MATR3: variants seen among roughly 807,000 people sequenced by gnomAD.
MATR3 encodes the protein matrin-3.
MATR3 carries 4 observed loss-of-function variants against 85.5 expected under a neutral mutation model. The observed-to-expected ratio is 0.05, with a 90% CI of 0.02 to 0.11. The LOEUF (loss-of-function observed/expected upper bound fraction) is 0.11. MATR3 is among the 10% of genes least tolerant of loss of function. The probability of loss-of-function intolerance (pLI) is 1.00; values close to 1 mark genes in which losing one functional copy is unlikely to be tolerated. For synonymous variants in MATR3, 336 were observed against 343.1 expected (o/e 0.98, Z 0.23); for missense variants, 685 against 1,016.1 (o/e 0.67, Z 4.43).
chr5:139,325,140 C>T (rs1200812774), intron 12 of MATR3, among the ~76,000 whole-genome samples: 2 of 151,960 alleles, frequency 1.3e-5, no homozygotes, highest in Admixed American at 1.3e-4. Context: ...TTGCAGTGAG[C>T]CGAGATCGCG....
At chr5:139,321,603 C>G (rs1302366540) in intron 9 of MATR3, among the ~76,000 whole-genome samples, 1 of 151,998 alleles carries the variant, frequency 6.6e-6, no homozygotes, top group African/African-American at 2.4e-5. Flanking sequence ...GGCAACATGG[C>G]GAAACTGCAC....
rs553096974 is a variant in MATR3 at position 139,329,664 on chromosome 5, C to G, written c.*269C>G. 4.0e-6 allele frequency: 2 copies of G among 496,398 alleles called. No individual in the cohort carries two copies. The highest frequency in any genetic ancestry group is 7.8e-6 in the Non-Finnish European group (2 of 255,674). The allele number at this position is 496,398 out of a possible 1,614,324, so 30.7% of individuals were successfully genotyped here. A position where few individuals can be genotyped will look rare whatever the true frequency, so the allele number is the denominator to read the frequency against. The stretch of plus-strand genomic sequence containing the variant: ...TGACTTCCTAAGCTACTTAAGACAA[C>G]TTGCACCACTAAGAAAAAAATGTAG... On this transcript the variant is annotated 3_prime_UTR_variant, in exon 15 of 15. Coordinates refer to ENST00000394805, the MANE Select transcript of MATR3 (RefSeq NM_018834.6).
At chr5:139,319,254 T>A in intron 8 of MATR3, 80 bp from the exon 9 acceptor site, 1 of 1,442,034 alleles carries the variant, frequency 6.9e-7, no homozygotes, top group Non-Finnish European at 9.7e-7. Flanking sequence ...AATAAAACAA[T>A]TGGTAAAGAC....
At chr5:139,291,317 TATTTATTGGTTTA>T (rs1753862635), upstream of MATR3, among the ~76,000 whole-genome samples, 1 of 152,210 alleles carries the variant, frequency 6.6e-6, no homozygotes, top group Non-Finnish European at 1.5e-5. Flanking sequence ...CTCAAATACA[TATTTATTGGTTTA>T]ATGTCTGCAT....
At chr5:139,293,124 G>C, upstream of MATR3, 1 of 152,256 alleles carries the variant, frequency 6.6e-6, no homozygotes, top group Non-Finnish European at 1.5e-5. Flanking sequence ...GCTGGCCATG[G>C]TGGTGCGAGC....
chr5:139,307,624 A>C lies in MATR3; in HGVS notation c.209A>C (p.His70Pro). 1 of 1,614,210 alleles carries C rather than the reference A, an allele frequency of 6.2e-7. No homozygotes were observed. Among genetic ancestry groups the C allele is most frequent in the Non-Finnish European group, 8.5e-7 (1 of 1,180,038 alleles). Residue 70 changes from histidine (H) to proline (P), a missense_variant, in exon 2 of 15, where the codon CAT (histidine) becomes CCT (proline). Physicochemically the swap from His to Pro is moderately conservative, Grantham distance 77. Transcript: ENST00000394805. The surrounding 1 kb of genome is among the most constrained non-coding windows in gnomAD (Gnocchi z 4.4). ...MSSSLNQQGAHSALSSASTSS... is the reference protein window; with the variant it reads ...MSSSLNQQGAPSALSSASTSS... ...TCTTCATTGAATCAACAAGGAGCTC[A>C]TAGTGCACTGTCTTCTGCTAGTACT...
At chr5:139,315,990 A>G (rs753456278) in intron 4 of MATR3, 86 bp from the exon 5 acceptor site, 2 of 1,016,270 alleles carry the variant, frequency 2.0e-6, no homozygotes, top group Non-Finnish European at 3.1e-6. Flanking sequence ...TTGTGGTCAT[A>G]TATTGGGGTG....
Position 139,325,586 on chromosome 5 carries a change from A to C in MATR3, c.2295A>C (p.Gln765His), listed in dbSNP as rs769000865. 1.9e-6 allele frequency: 3 copies of C among 1,614,226 alleles called. No individual in the cohort carries two copies. Among genetic ancestry groups the C allele is most frequent in the Non-Finnish European group, 2.5e-6 (3 of 1,180,042 alleles). The change falls in exon 13 of 15, where the codon CAA becomes CAC. Residue 765 changes from glutamine to histidine, a missense_variant. This residue lies in a region of MATR3 where 215 missense variants were observed against 194.7 expected (regional missense o/e 1.10). Transcript: ENST00000394805. The stretch of plus-strand genomic sequence containing the variant: ...ATACAAGTGAAAACGCAGATGGTCA[A>C]AGTGATGAGAACAAGGACGACTATA... ...NKDTSENADG[Q>H]SDENKDDYTI... is the part of the protein sequence containing the mutation.
At chr5:139,282,020 C>G (rs1581201506) in intron 3 of MATR3, among the ~76,000 whole-genome samples, 1 of 152,088 alleles carries the variant, frequency 6.6e-6, no homozygotes, top group Non-Finnish European at 1.5e-5. Context: ...CAAATTTAAA[C>G]CAGAAAAGCA....
Position 139,307,587 on chromosome 5 carries a change from C to T in MATR3, c.172C>T (p.Leu58Phe). ...GTARLASLMN[L>F]GMSSSLNQQG... ...TGCACGCCTTGCTAGTTTAATGAAT[C>T]TTGGAATGAGTTCTTCATTGAATCA... Residue 58 changes from leucine to phenylalanine, a missense_variant, in exon 2 of 15, where the codon CTT becomes TTT. Transcript: ENST00000394805. The surrounding 1 kb of genome is among the most constrained non-coding windows in gnomAD (Gnocchi z 4.4). 6.2e-7 allele frequency: 1 copy of T among 1,614,122 alleles called. No homozygotes were observed. The highest frequency in any genetic ancestry group is 8.5e-7 in the Non-Finnish European group (1 of 1,180,016).
chr5:139,285,961 G>T (rs1444206903), intron 3 of MATR3, among the ~76,000 whole-genome samples: 1 of 152,104 alleles, frequency 6.6e-6, no homozygotes, highest in African/African-American at 2.4e-5. Context: ...AGAATAAAGG[G>T]CAGAAAGTTT....
Position 139,307,439 on chromosome 5 carries a change from A to C in MATR3, c.24A>C (p.Ser8=). 1 of 1,613,964 alleles carries C rather than the reference A, an allele frequency of 6.2e-7. No individual in the cohort carries two copies. Among genetic ancestry groups the C allele is most frequent in the South Asian group, 1.1e-5 (1 of 91,062 alleles). The change falls in exon 2 of 15, where the codon TCA becomes TCC. Residue 8 remains serine (S), a synonymous_variant. Transcript: ENST00000394805. This position sits in a 1 kb window ranked among gnomAD's most constrained non-coding sequence, Gnocchi z 4.4. ...CAATGTCCAAGTCATTCCAGCAGTC[A>C]TCTCTCAGTAGGGACTCACAGGGTC... MSKSFQQ[S]SLSRDSQGHG... is the part of the protein sequence containing the mutation.
rs765718462 is a variant in MATR3, at chr5:139,308,247, A to G, written c.832A>G (p.Ile278Val). Residue 278 changes from isoleucine to valine, a missense_variant, in exon 2 of 15, where the codon ATT becomes GTT. By Grantham distance (29) the Ile-to-Val change is conservative. Transcript: ENST00000394805. ...GAGAGGCGCTCCTCCAAGTAGCAAT[A>G]TTGAAGACTTCCATGGACTCTTACC... is the stretch of plus-strand genomic sequence containing the variant. ...KKRGAPPSSNIEDFHGLLPKG... is the reference protein window; with the variant it reads ...KKRGAPPSSNVEDFHGLLPKG... The G allele has an allele frequency of 8.7e-6, 14 of 1,614,126 alleles. No individual in the cohort carries two copies. The highest frequency in any genetic ancestry group is 5.9e-6 in the Non-Finnish European group (7 of 1,180,002).
intron 1 of MATR3, among the ~76,000 whole-genome samples, chr5:139,305,253 T>C (rs1404399434): frequency 6.6e-6 from 1 of 152,230 alleles, no homozygotes; most frequent in Non-Finnish European, 1.5e-5. Context: ...TTCTCTTAAC[T>C]TTTTCCTTTT....
intron 2 of MATR3, among the ~76,000 whole-genome samples, chr5:139,277,989 G>A (rs1753356369): frequency 6.6e-6 from 1 of 151,928 alleles, no homozygotes; most frequent in African/African-American, 2.4e-5. Context: ...CAGCACTTTG[G>A]GAGGCTGAGG....
chr5:139,301,134 G>C (rs1754419355), intron 1 of MATR3, among the ~76,000 whole-genome samples: 1 of 152,022 alleles, frequency 6.6e-6, no homozygotes, highest in African/African-American at 2.4e-5. Flanking sequence ...GAGTCTTTAT[G>C]GCCTTATGAA....
intron 3 of MATR3, among the ~76,000 whole-genome samples, chr5:139,284,568 A>G (rs1332862383): frequency 6.6e-6 from 1 of 152,182 alleles, no homozygotes; most frequent in East Asian, 1.9e-4. Context: ...AGATCGTGCC[A>G]CTGCACTCCA....
chr5:139,288,221 C>T (rs1753767972), intron 3 of MATR3, among the ~76,000 whole-genome samples: 1 of 152,122 alleles, frequency 6.6e-6, no homozygotes. Context: ...AAAAAACAAA[C>T]AAACCAACAA....
At chr5:139,276,066 T>G (rs979071344) in intron 1 of MATR3, 1 of 456,646 alleles carries the variant, frequency 2.2e-6, no homozygotes, top group Admixed American at 2.3e-5. Context: ...GGAGGGACTC[T>G]GAGCTGCACA....
Sources: gnomAD v4.1 joint callset for allele counts (sites outside exome capture counted in the v4.1 genomes callset) on GRCh38, gnomAD v4.1.1 for gene constraint, gnomAD v4.1.1 regional missense constraint, Gnocchi (gnomAD v3.1) non-coding constraint, MANE v1.5 for transcripts, NCBI Gene and HGNC (gene_info 2026-07-23, HGNC 2026-07-21) for gene names.